The following KIF1B variants were observed in gnomAD, a reference collection of about 807,000 sequenced individuals.
KIF1B encodes kinesin family member 1B, also known as kinesin-like protein KIF1B.
A neutral mutation model predicts 241.9 loss-of-function variants in KIF1B; 76 were observed. The ratio of observed to expected loss-of-function variants is 0.31; its 90% CI spans 0.26 to 0.38. KIF1B has a LOEUF of 0.38. Among genes scored for constraint, KIF1B ranks in the 10% least tolerant of loss-of-function variants. KIF1B has a pLI of 1.00. For missense variants in KIF1B, 1,622 were observed against 2,271.4 expected, an observed-to-expected ratio of 0.71 and a Z score of 5.81; for synonymous variants, 750 against 796.7, an observed-to-expected ratio of 0.94 and a Z score of 0.99.
intron 37 of KIF1B, among the ~76,000 whole-genome samples, chr1:10,349,809 T>C (rs992239262): frequency 2.0e-5 from 3 of 152,142 alleles, no homozygotes; most frequent in Non-Finnish European, 4.4e-5. Flanking sequence ...CATGGACCTC[T>C]TTGGCAGTAA....
chr1:10,315,471 C>T (rs1386439657), intron 22 of KIF1B, among the ~76,000 whole-genome samples: 2 of 151,278 alleles, frequency 1.3e-5, no homozygotes, highest in African/African-American at 4.9e-5. Context: ...CCACTGCATC[C>T]AGCCAGGAAT....
intron 2 of KIF1B, among the ~76,000 whole-genome samples, chr1:10,246,270 T>G (rs547255982): frequency 1.3e-5 from 2 of 152,194 alleles, no homozygotes; most frequent in Non-Finnish European, 2.9e-5. Context: ...CATTCTTACC[T>G]TCTCCGTTTT....
rs75760005 is a variant in KIF1B at position 10,303,453 on chromosome 1, G to A, written c.2115+6207G>A. On this transcript the variant is annotated intron_variant, in intron 22 of 48. Coordinates refer to ENST00000676179, the MANE Select transcript of KIF1B (RefSeq NM_001365951.3). This position sits in a 1 kb window ranked among gnomAD's most constrained non-coding sequence, Gnocchi z 5.2. ...CTCTCAATGACTTCAGGCACAGTCG[G>A]CAGGAGATTGAAGCCCTGGCCATTG... The A allele has an allele frequency of 4.7e-3, 7,634 of 1,614,162 alleles. 342 individuals carry two copies. The African/African-American group carries it at 0.09, about 19-fold the overall frequency.
At chr1:10,292,969 C>G (rs1429262606) in intron 17 of KIF1B, among the ~76,000 whole-genome samples, 7 of 152,020 alleles carry the variant, frequency 4.6e-5, no homozygotes, top group Non-Finnish European at 1.0e-4. Flanking sequence ...GATGATCTCT[C>G]TAAGTTAGGA....
chr1:10,332,584 C>T (rs1281364539), intron 27 of KIF1B, among the ~76,000 whole-genome samples: 6 of 125,616 alleles, frequency 4.8e-5, no homozygotes, highest in Middle Eastern at 5.7e-3. Flanking sequence ...GGCGCGATCT[C>T]GGCTCACTGC....
intron 1 of KIF1B, among the ~76,000 whole-genome samples, chr1:10,225,128 A>G (rs567115946): frequency 4.0e-4 from 61 of 152,262 alleles, no homozygotes; most frequent in Admixed American, 3.0e-3. Context: ...CTGGTTTTTA[A>G]CAGGCCACAG....
intron 27 of KIF1B, among the ~76,000 whole-genome samples, chr1:10,331,700 T>G (rs1472570397): frequency 6.6e-6 from 1 of 152,192 alleles, no homozygotes; most frequent in Non-Finnish European, 1.5e-5. Context: ...TGTCACTTGG[T>G]TTTGTTTGAT....
At chr1:10,349,906 A>G (rs1652727625) in intron 37 of KIF1B, among the ~76,000 whole-genome samples, 1 of 152,260 alleles carries the variant, frequency 6.6e-6, no homozygotes, top group Admixed American at 6.5e-5. Context: ...TACAGTTGTT[A>G]AAACATTAAG....
chr1:10,361,754 A>C lies in KIF1B; in HGVS notation c.4233A>C (p.Arg1411=), dbSNP rs1638429697. 1 of 1,613,970 alleles carries C rather than the reference A, an allele frequency of 6.2e-7. No individual in the cohort carries two copies. The highest frequency in any genetic ancestry group is 1.3e-5 in the African/African-American group (1 of 74,924). ...TKDVCMVFYS[R]DAKISPPRSL... is the part of the protein sequence containing the mutation. The stretch of plus-strand genomic sequence containing the variant: ...ATGTGTGCATGGTCTTCTACTCCCG[A>C]GATGCCAAGATCTCACCACCACGCT... Residue 1411 remains arginine (R), a synonymous_variant, in exon 40 of 49, where the codon CGA becomes CGC. Transcript: ENST00000676179.
chr1:10,264,898 T>C (rs922619207), intron 5 of KIF1B, among the ~76,000 whole-genome samples: 1 of 152,166 alleles, frequency 6.6e-6, no homozygotes, highest in African/African-American at 2.4e-5. Context: ...CCTGACCTCA[T>C]GATCCACCCG....
chr1:10,283,600 G>C (rs1649542641), intron 15 of KIF1B, among the ~76,000 whole-genome samples: 1 of 152,242 alleles, frequency 6.6e-6, no homozygotes, highest in African/African-American at 2.4e-5. Context: ...GCTGAAAGCT[G>C]TTCAGGAATC....
Position 10,326,297 on chromosome 1 carries a change from T to C in KIF1B, c.2862T>C (p.Asp954=), listed in dbSNP as rs375360943. The C allele has an allele frequency of 6.2e-7, 1 of 1,614,022 alleles. No individual in the cohort carries two copies. The highest frequency in any genetic ancestry group is 1.3e-5 in the African/African-American group (1 of 74,892). ...ACGCAGGGACGGAGGAGGGATCAGA[T>C]CTCTTCAGTGACGGGCATGACCCGT... The part of the protein sequence containing the change: ...GSDAGTEEGS[D]LFSDGHDPFY... The change falls in exon 27 of 49, where the codon GAT becomes GAC. Residue 954 remains aspartate (D), a synonymous_variant. Transcript: ENST00000676179. The surrounding 1 kb of genome is among the most constrained non-coding windows in gnomAD (Gnocchi z 5.2).
intron 34 of KIF1B, among the ~76,000 whole-genome samples, chr1:10,345,122 G>C (rs1033015238): frequency 2.0e-5 from 3 of 151,990 alleles, no homozygotes; most frequent in Admixed American, 6.6e-5. Context: ...TGAGCCCAGA[G>C]GGCAGAGGTT....
At chr1:10,259,952 AAACTT>A (rs992230120) in intron 4 of KIF1B, among the ~76,000 whole-genome samples, 1 of 152,072 alleles carries the variant, frequency 6.6e-6, no homozygotes, top group Non-Finnish European at 1.5e-5. Context: ...CGGGGCCTAA[AAACTT>A]AAGAAAAAAA....
chr1:10,371,114 A>G lies in KIF1B; in HGVS notation c.4825-27A>G, dbSNP rs571660333. On this transcript the variant is annotated intron_variant, in intron 44 of 48. Transcript: ENST00000676179. The stretch of plus-strand genomic sequence containing the variant: ...GAGGCAGCTTTTTTCAGCTGAATGT[A>G]ACTTGTAGTGTTCGGTTTGCTTCCA... The G allele has an allele frequency of 1.9e-5, 30 of 1,614,134 alleles. 1 individual carries two copies. In the South Asian group the frequency reaches 2.5e-4, roughly 14 times the overall value.
intron 17 of KIF1B, among the ~76,000 whole-genome samples, chr1:10,293,880 A>G (rs1419617380): frequency 6.6e-6 from 1 of 152,172 alleles, no homozygotes. Flanking sequence ...AAAGGAAGGG[A>G]TATACCAGTG....
chr1:10,270,143 G>A (rs1007077532), intron 7 of KIF1B, among the ~76,000 whole-genome samples: 7 of 152,184 alleles, frequency 4.6e-5, no homozygotes, highest in East Asian at 1.9e-4. Context: ...CAGTTTTGAC[G>A]TATTTGTATA....
chr1:10,310,270 A>G (rs1320495328), intron 22 of KIF1B, among the ~76,000 whole-genome samples: 1 of 151,588 alleles, frequency 6.6e-6, no homozygotes, highest in Non-Finnish European at 1.5e-5. Context: ...TTTCTGATTC[A>G]CTAGGTCTGG....
At chr1:10,334,807 A>G (rs542374308) in intron 28 of KIF1B, among the ~76,000 whole-genome samples, 169 bp downstream of exon 28, 3 of 152,342 alleles carry the variant, frequency 2.0e-5, no homozygotes, top group Admixed American at 6.5e-5. Context: ...CTTTCTAGCA[A>G]TTGTTCCCAA....
Sources: allele counts gnomAD v4.1 joint callset (sites outside exome capture counted in the v4.1 genomes callset), GRCh38; gene constraint gnomAD v4.1.1; non-coding constraint Gnocchi (gnomAD v3.1); transcripts MANE v1.5; gene names NCBI Gene and HGNC (gene_info 2026-07-23, HGNC 2026-07-21).